Variants in DNMBP observed in about 807,000 individuals in gnomAD.
DNMBP encodes dynamin-binding protein.
A neutral mutation model predicts 150.0 loss-of-function variants in DNMBP; 87 were observed. That is an observed-to-expected ratio of 0.58 (90% CI 0.49 to 0.69). The LOEUF (loss-of-function observed/expected upper bound fraction) is 0.69, where lower values mean the gene tolerates loss of function less well. Ranked by LOEUF, DNMBP falls within the 30% of genes least tolerant of loss-of-function variation. The pLI is 0.00. For missense variants in DNMBP, 1,774 were observed against 1,949.0 expected, an observed-to-expected ratio of 0.91 and a Z score of 1.69; for synonymous variants, 711 against 750.4, an observed-to-expected ratio of 0.95 and a Z score of 0.86.
At chr10:99,994,476 G>A (rs1187322303) in intron 1 of DNMBP, among the ~76,000 whole-genome samples, 1 of 152,096 alleles carries the variant, frequency 6.6e-6, no homozygotes, top group Non-Finnish European at 1.5e-5. Flanking sequence ...GCTCTAGGCG[G>A]GGCCAACTTC....
chr10:99,994,950 G>C (rs1564758295), intron 1 of DNMBP, among the ~76,000 whole-genome samples: 1 of 152,038 alleles, frequency 6.6e-6, no homozygotes, highest in South Asian at 2.1e-4. Context: ...AAGAGACAGG[G>C]TCTTGCTATG....
chr10:99,930,759 C>A, intron 4 of DNMBP: 1 of 662,674 alleles, frequency 1.5e-6, no homozygotes, highest in Non-Finnish European at 2.7e-6. Flanking sequence ...CTGGGTTTCA[C>A]ACATATTCTA....
intron 1 of DNMBP, among the ~76,000 whole-genome samples, chr10:99,987,263 G>C (rs2040838147): frequency 6.6e-6 from 1 of 152,102 alleles, no homozygotes; most frequent in South Asian, 2.1e-4. Flanking sequence ...AGCATTCTGG[G>C]AGGCCGAGGC....
intron 4 of DNMBP, among the ~76,000 whole-genome samples, chr10:99,910,709 C>T (rs967094901): frequency 4.6e-5 from 7 of 152,154 alleles, no homozygotes; most frequent in Admixed American, 3.3e-4. Context: ...AAGTACTCAA[C>T]AACATGGTGG....
intron 1 of DNMBP, among the ~76,000 whole-genome samples, chr10:99,979,199 G>A (rs2040759755): frequency 6.6e-6 from 1 of 152,110 alleles, no homozygotes; most frequent in Non-Finnish European, 1.5e-5. Context: ...CAACATTCTA[G>A]GTATTTATTC....
intron 1 of DNMBP, among the ~76,000 whole-genome samples, chr10:99,977,825 T>C (rs1017640910): frequency 6.6e-6 from 1 of 152,212 alleles, no homozygotes; most frequent in African/African-American, 2.4e-5. Context: ...AAACTATTCA[T>C]ATCAAAATCT....
intron 4 of DNMBP, chr10:99,913,957 A>G (rs953716018): frequency 3.6e-6 from 5 of 1,398,168 alleles, no homozygotes; most frequent in Non-Finnish European, 4.7e-6. Context: ...ACCTACCTGC[A>G]GTGCCCAGAG....
chr10:99,931,892 G>A (rs1262687078), intron 4 of DNMBP, among the ~76,000 whole-genome samples: 1 of 152,234 alleles, frequency 6.6e-6, no homozygotes, highest in Non-Finnish European at 1.5e-5. Flanking sequence ...GGAAGCGGTT[G>A]GATGTGAACA....
intron 12 of DNMBP, 133 bp downstream of exon 12, chr10:99,888,692 A>G (rs1456237157): frequency 1.9e-6 from 2 of 1,031,776 alleles, no homozygotes; most frequent in Non-Finnish European, 2.8e-6. Flanking sequence ...TCAAACCCCA[A>G]TATGAATATA....
At chr10:100,004,748 G>T (rs1407776417) in intron 1 of DNMBP, among the ~76,000 whole-genome samples, 1 of 152,116 alleles carries the variant, frequency 6.6e-6, no homozygotes, top group African/African-American at 2.4e-5. Flanking sequence ...TTATCTATTT[G>T]ATTACATCAA....
Position 99,956,890 on chromosome 10 carries a change from G to A in DNMBP, c.584C>T (p.Pro195Leu). Residue 195 changes from proline (P) to leucine (L), a missense_variant, in exon 4 of 17, where the codon CCA becomes CTA. Physicochemically the swap from Pro to Leu is moderately conservative, Grantham distance 98. Transcript: ENST00000324109. Reference protein sequence around the residue: ...GELEGRRGIFPEGFVELLGPL... With the variant: ...GELEGRRGIFLEGFVELLGPL... ...CCCCAACAGCTCTACAAAACCTTCT[G>A]GAAAAATGCCTCTTCGGCCCTCTAA... The A allele has an allele frequency of 6.2e-7, 1 of 1,614,134 alleles. No homozygotes were observed. Among genetic ancestry groups the A allele is most frequent in the Non-Finnish European group, 8.5e-7 (1 of 1,180,042 alleles).
At chr10:99,940,160 G>A (rs1251968718) in intron 4 of DNMBP, among the ~76,000 whole-genome samples, 1 of 152,180 alleles carries the variant, frequency 6.6e-6, no homozygotes, top group Admixed American at 6.5e-5. Flanking sequence ...GGGGTACACA[G>A]TAGGTATTTA....
At chr10:99,945,332 C>A (rs573910065) in intron 4 of DNMBP, among the ~76,000 whole-genome samples, 1 of 152,188 alleles carries the variant, frequency 6.6e-6, no homozygotes, top group South Asian at 2.1e-4. Flanking sequence ...AATACTGGCA[C>A]GCGGAGTAAA....
intron 1 of DNMBP, among the ~76,000 whole-genome samples, chr10:100,005,442 T>C (rs886637892): frequency 2.0e-5 from 3 of 151,886 alleles, no homozygotes; most frequent in African/African-American, 7.3e-5. Context: ...CACATAACAA[T>C]ATGGATGGAT....
At chr10:100,002,318 T>G (rs994350670) in intron 1 of DNMBP, among the ~76,000 whole-genome samples, 1 of 149,092 alleles carries the variant, frequency 6.7e-6, no homozygotes, top group Non-Finnish European at 1.5e-5. Context: ...ATGGCTAGTC[T>G]AAAAAGAAAG....
intron 4 of DNMBP, among the ~76,000 whole-genome samples, chr10:99,935,480 G>A (rs911040096): frequency 6.6e-6 from 1 of 152,022 alleles, no homozygotes; most frequent in Non-Finnish European, 1.5e-5. Flanking sequence ...TTGAACTGTT[G>A]GGCTCAAGCA....
chr10:99,981,869 G>T (rs920248585), intron 1 of DNMBP, among the ~76,000 whole-genome samples: 1 of 152,144 alleles, frequency 6.6e-6, no homozygotes, highest in Non-Finnish European at 1.5e-5. Flanking sequence ...TGGCTGCGTT[G>T]CTCTATTAAA....
At chr10:99,968,065 G>A (rs1277304552) in intron 3 of DNMBP, among the ~76,000 whole-genome samples, 1 of 152,154 alleles carries the variant, frequency 6.6e-6, no homozygotes, top group African/African-American at 2.4e-5. Context: ...AGGCTGGAGT[G>A]CAGTGATGTG....
At chr10:100,006,798 T>C (rs2041076879) in intron 1 of DNMBP, among the ~76,000 whole-genome samples, 1 of 152,042 alleles carries the variant, frequency 6.6e-6, no homozygotes, top group Admixed American at 6.6e-5. Context: ...CCTGCTCACT[T>C]CCTCATTTCC....
Sources: gnomAD v4.1 joint callset for allele counts (sites outside exome capture counted in the v4.1 genomes callset) on GRCh38, gnomAD v4.1.1 for gene constraint, MANE v1.5 for transcripts, NCBI Gene and HGNC (gene_info 2026-07-23, HGNC 2026-07-21) for gene names.